TENM2: variants seen among roughly 807,000 people sequenced by gnomAD.
TENM2 encodes teneurin-2.
A neutral mutation model predicts 245.2 loss-of-function variants in TENM2; 52 were observed. The observed-to-expected ratio is 0.21, with a 90% CI of 0.17 to 0.27. TENM2 has a LOEUF of 0.27. Among genes scored for constraint, TENM2 ranks in the 10% least tolerant of loss-of-function variants. The pLI, the probability that TENM2 is intolerant of heterozygous loss-of-function variation, is 1.00. For missense variants in TENM2, 3,046 were observed against 3,666.8 expected, an observed-to-expected ratio of 0.83 and a Z score of 4.37; for synonymous variants, 1,363 against 1,438.9, an observed-to-expected ratio of 0.95 and a Z score of 1.19.
chr5:167,247,894 A>G, the TENM2 span, among the ~76,000 whole-genome samples: 1 of 152,194 alleles, frequency 6.6e-6, no homozygotes, highest in Non-Finnish European at 1.5e-5. Context: ...TGTAGGCTCT[A>G]AATCCATCGT....
At chr5:167,204,054 A>G in the TENM2 span, among the ~76,000 whole-genome samples, 1 of 152,128 alleles carries the variant, frequency 6.6e-6, no homozygotes, top group East Asian at 1.9e-4. Context: ...CACTGGAAGG[A>G]GAGACTGAAG....
the TENM2 span, among the ~76,000 whole-genome samples, chr5:167,051,856 G>T: frequency 6.6e-6 from 1 of 152,090 alleles, no homozygotes; most frequent in East Asian, 1.9e-4. Flanking sequence ...ATTTGCCCAT[G>T]TCCCTTTCAT....
At chr5:168,169,634 C>A (rs1406036142) in intron 13 of TENM2, among the ~76,000 whole-genome samples, 1 of 152,228 alleles carries the variant, frequency 6.6e-6, no homozygotes, top group Non-Finnish European at 1.5e-5. Flanking sequence ...TAATAACTCA[C>A]CTTGTCTGTG....
chr5:167,565,837 T>G (rs1773874223), intron 2 of TENM2, among the ~76,000 whole-genome samples: 1 of 152,200 alleles, frequency 6.6e-6, no homozygotes, highest in Admixed American at 6.5e-5. Context: ...TATATGGTCA[T>G]GAAAACACCC....
At chr5:167,832,022 A>T (rs919051578) in intron 2 of TENM2, among the ~76,000 whole-genome samples, 1 of 152,228 alleles carries the variant, frequency 6.6e-6, no homozygotes, top group African/African-American at 2.4e-5. Context: ...GAGATGATAT[A>T]AGTCAATAAA....
the TENM2 span, among the ~76,000 whole-genome samples, chr5:167,209,779 A>G: frequency 6.6e-6 from 1 of 152,306 alleles, no homozygotes; most frequent in Non-Finnish European, 1.5e-5. Context: ...TGACTGCTAC[A>G]GAGAAAAATT....
intron 2 of TENM2, among the ~76,000 whole-genome samples, chr5:167,389,228 G>A (rs551494229): frequency 2.7e-5 from 4 of 146,370 alleles, no homozygotes; most frequent in African/African-American, 5.1e-5. Context: ...GCATATGTGC[G>A]TATATATATA....
chr5:167,783,424 G>A (rs1212821795), intron 2 of TENM2, among the ~76,000 whole-genome samples: 1 of 152,142 alleles, frequency 6.6e-6, no homozygotes, highest in African/African-American at 2.4e-5. Context: ...TCACCATTGG[G>A]AACCAGAGTA....
chr5:166,998,923 G>A, the TENM2 span, among the ~76,000 whole-genome samples: 3 of 151,552 alleles, frequency 2.0e-5, no homozygotes, highest in Non-Finnish European at 4.4e-5. Context: ...AGGGGGTGAG[G>A]TTGTGAAGAA....
intron 2 of TENM2, among the ~76,000 whole-genome samples, chr5:167,796,446 C>T (rs1425061837): frequency 1.3e-5 from 2 of 152,150 alleles, no homozygotes; most frequent in African/African-American, 4.8e-5. Flanking sequence ...CTTACTCTTC[C>T]TTGCTCTTCC....
intron 2 of TENM2, among the ~76,000 whole-genome samples, chr5:167,498,672 G>A (rs985306881): frequency 4.6e-5 from 7 of 151,928 alleles, no homozygotes; most frequent in Non-Finnish European, 4.4e-5. Context: ...CCCCCACCCC[G>A]TGCGGCATCA....
intron 2 of TENM2, among the ~76,000 whole-genome samples, chr5:167,658,325 C>A (rs559634592): frequency 1.3e-4 from 19 of 151,992 alleles, no homozygotes; most frequent in Non-Finnish European, 1.2e-4. Context: ...TCTCCTGCCT[C>A]GGCCTCCCAA....
chr5:167,651,639 C>T (rs1686077933), intron 2 of TENM2, among the ~76,000 whole-genome samples: 1 of 152,062 alleles, frequency 6.6e-6, no homozygotes, highest in African/African-American at 2.4e-5. Context: ...TAAGTATCAG[C>T]ATAGAAAGAG....
chr5:168,034,876 C>G (rs1371800186), intron 5 of TENM2, among the ~76,000 whole-genome samples: 2 of 152,194 alleles, frequency 1.3e-5, no homozygotes, highest in Non-Finnish European at 1.5e-5. Flanking sequence ...TGGTCTAGGA[C>G]CTCCTCTGTG....
intron 2 of TENM2, among the ~76,000 whole-genome samples, chr5:167,637,922 A>G (rs181898605): frequency 8.6e-4 from 131 of 152,176 alleles, no homozygotes; most frequent in African/African-American, 3.1e-3. Context: ...TAGCACATGT[A>G]TACCTACATA....
chr5:167,983,385 G>T (rs1320031841), intron 4 of TENM2, among the ~76,000 whole-genome samples: 1 of 152,164 alleles, frequency 6.6e-6, no homozygotes, highest in Non-Finnish European at 1.5e-5. Context: ...AAGAGTCGAA[G>T]CTTCTATTTA....
intron 2 of TENM2, among the ~76,000 whole-genome samples, chr5:167,737,643 A>G (rs1053268701): frequency 2.6e-5 from 4 of 152,228 alleles, no homozygotes; most frequent in African/African-American, 9.6e-5. Flanking sequence ...GGAGGCAACC[A>G]GATGATACAT....
intron 2 of TENM2, among the ~76,000 whole-genome samples, chr5:167,801,905 G>GACACACACACACAC (rs10643504): frequency 1.3e-4 from 20 of 149,378 alleles, no homozygotes; most frequent in African/African-American, 2.7e-4. Flanking sequence ...CACACACACA[G>GACACACACACACAC]ACACACACAC....
chr5:167,125,294 C>T, the TENM2 span, among the ~76,000 whole-genome samples: 1 of 152,200 alleles, frequency 6.6e-6, no homozygotes, highest in South Asian at 2.1e-4. Context: ...ATGGAAGAAG[C>T]AAGTAATTAT....
Sources: allele counts gnomAD v4.1 joint callset (sites outside exome capture counted in the v4.1 genomes callset), GRCh38; gene constraint gnomAD v4.1.1; transcripts MANE v1.5; gene names NCBI Gene and HGNC (gene_info 2026-07-23, HGNC 2026-07-21).